Variants in DLG2 observed in about 807,000 individuals in gnomAD.
DLG2 encodes disks large homolog 2.
DLG2 carries 45 observed loss-of-function variants against 132.5 expected under a neutral mutation model. The observed-to-expected ratio is 0.34, with a 90% CI of 0.27 to 0.44. The LOEUF (loss-of-function observed/expected upper bound fraction) is 0.44, where lower values mean the gene tolerates loss of function less well. DLG2 is among the 20% of genes least tolerant of loss of function. DLG2 has a pLI of 1.00. For synonymous variants in DLG2, 424 were observed against 419.6 expected, an observed-to-expected ratio of 1.01 and a Z score of -0.13; for missense variants, 1,045 against 1,196.9, an observed-to-expected ratio of 0.87 and a Z score of 1.87.
intron 2 of DLG2, among the ~76,000 whole-genome samples, chr11:85,610,546 G>C (rs1416763557): frequency 6.6e-6 from 1 of 152,178 alleles, no homozygotes; most frequent in Non-Finnish European, 1.5e-5. Context: ...TTTAGGGATA[G>C]CCCTTACCTG....
chr11:84,288,799 A>C (rs750395432), intron 7 of DLG2, among the ~76,000 whole-genome samples: 3 of 152,174 alleles, frequency 2.0e-5, no homozygotes, highest in Non-Finnish European at 4.4e-5. Context: ...AGGCCTTGCA[A>C]ACTTTGCTTC....
chr11:83,806,240 A>G (rs2045877670), intron 17 of DLG2, among the ~76,000 whole-genome samples: 1 of 152,040 alleles, frequency 6.6e-6, no homozygotes, highest in African/African-American at 2.4e-5. Flanking sequence ...TTACTCTTTT[A>G]TTATTATTTT....
At chr11:85,521,023 T>C (rs1333953740) in intron 3 of DLG2, among the ~76,000 whole-genome samples, 1 of 152,098 alleles carries the variant, frequency 6.6e-6, no homozygotes. Context: ...TGGGATCACA[T>C]CAAGTTAAAA....
chr11:84,977,936 G>T (rs546273104), intron 6 of DLG2, among the ~76,000 whole-genome samples: 5 of 152,268 alleles, frequency 3.3e-5, no homozygotes, highest in African/African-American at 9.6e-5. Context: ...ATAGGTACTG[G>T]AGAATTATGA....
At chr11:84,939,401 A>G (rs1001893587) in intron 6 of DLG2, among the ~76,000 whole-genome samples, 1 of 151,402 alleles carries the variant, frequency 6.6e-6, no homozygotes, top group Non-Finnish European at 1.5e-5. Context: ...TTTGTGTTAT[A>G]AACATTCCAA....
Position 83,874,458 on chromosome 11 carries a change from C to G in DLG2, c.1527G>C (p.Gln509His). Reference sequence around the variant, plus strand: ...CGGCCCGTTGGAGAGTCATTGAAGGCTGACGAGTTGCGGTGCTATGTTGGG... The same window carrying G: ...CGGCCCGTTGGAGAGTCATTGAAGGGTGACGAGTTGCGGTGCTATGTTGGG... ...SHSQHSTATR[Q>H]PSMTLQRAVS... Residue 509 changes from glutamine (Q) to histidine (H), a missense_variant, in exon 16 of 28, where the codon CAG becomes CAC. By Grantham distance (24) the Gln-to-His change is conservative. Coordinates refer to ENST00000376104, the MANE Select transcript of DLG2 (RefSeq NM_001142699.3). The G allele has an allele frequency of 6.2e-7, 1 of 1,602,084 alleles. No individual in the cohort carries two copies. The highest frequency in any genetic ancestry group is 1.1e-5 in the South Asian group (1 of 89,180).
intron 6 of DLG2, among the ~76,000 whole-genome samples, chr11:84,605,093 T>C (rs2099583070): frequency 6.6e-6 from 1 of 151,978 alleles, no homozygotes; most frequent in South Asian, 2.1e-4. Flanking sequence ...CATAAAAATA[T>C]AATTCATCAT....
At chr11:83,836,641 T>C (rs1311026521) in intron 16 of DLG2, among the ~76,000 whole-genome samples, 1 of 152,216 alleles carries the variant, frequency 6.6e-6, no homozygotes, top group East Asian at 1.9e-4. Flanking sequence ...CCTTTTCTTA[T>C]GTAAGAACTT....
rs148675438 is a variant in DLG2, at chr11:84,793,683, T to C, written c.358-258952A>G. ...CTTCCTTGTTTCTCCTTACAGTTTT[T>C]GTCTTGAAGTCTATTTTGTCTGATA... On this transcript the variant is annotated intron_variant, in intron 6 of 27. Transcript: ENST00000376104. Among the ~76,000 whole-genome samples the C allele has an allele frequency of 9.7e-3, 1,485 of 152,342 alleles. 50 individuals are homozygous for C. Among genetic ancestry groups the C allele is most frequent in the Admixed American group, 0.064 (981 of 15,296 alleles).
At chr11:84,324,496 C>A (rs193121655) in intron 7 of DLG2, among the ~76,000 whole-genome samples, 1 of 151,990 alleles carries the variant, frequency 6.6e-6, no homozygotes, top group East Asian at 1.9e-4. Flanking sequence ...TTCAGATTTA[C>A]TCTTCTTTCT....
chr11:84,514,812 G>A (rs368106130), intron 7 of DLG2, among the ~76,000 whole-genome samples: 4 of 151,908 alleles, frequency 2.6e-5, no homozygotes, highest in Non-Finnish European at 4.4e-5. Flanking sequence ...ATAACAAAAA[G>A]AGCTTAACTG....
intron 6 of DLG2, among the ~76,000 whole-genome samples, chr11:85,032,615 T>C: frequency 6.6e-6 from 1 of 152,244 alleles, no homozygotes; most frequent in East Asian, 1.9e-4. Context: ...CATGAAATTC[T>C]AATACTCATT....
intron 20 of DLG2, among the ~76,000 whole-genome samples, chr11:83,535,307 G>A (rs939371762): frequency 6.6e-5 from 10 of 152,096 alleles, no homozygotes; most frequent in African/African-American, 2.4e-4. Flanking sequence ...AGAATACATG[G>A]TTATTTGATC....
intron 7 of DLG2, chr11:84,316,765 A>G (rs140488462): frequency 6.7e-7 from 1 of 1,501,602 alleles, no homozygotes; most frequent in Non-Finnish European, 8.9e-7. Flanking sequence ...TTCTAACCTT[A>G]AACAACTTGC....
intron 6 of DLG2, among the ~76,000 whole-genome samples, chr11:84,654,287 C>A (rs2099685537): frequency 6.6e-6 from 1 of 152,134 alleles, no homozygotes; most frequent in South Asian, 2.1e-4. Flanking sequence ...AATTTCTTCT[C>A]ACTTATTATA....
chr11:83,889,320 A>C, intron 15 of DLG2, among the ~76,000 whole-genome samples: 1 of 152,122 alleles, frequency 6.6e-6, no homozygotes, highest in African/African-American at 2.4e-5. Flanking sequence ...ACTTCTCAAA[A>C]GAAGACATTT....
chr11:84,226,236 A>G (rs1461694516), intron 8 of DLG2, among the ~76,000 whole-genome samples: 1 of 152,160 alleles, frequency 6.6e-6, no homozygotes, highest in Non-Finnish European at 1.5e-5. Context: ...TTGTGCTATG[A>G]TGTTACTAGG....
At chr11:84,333,912 C>T (rs554420786) in intron 7 of DLG2, among the ~76,000 whole-genome samples, 3 of 152,074 alleles carry the variant, frequency 2.0e-5, no homozygotes, top group South Asian at 4.2e-4. Flanking sequence ...TAGTAGGGTT[C>T]GAAGAAATGA....
At chr11:84,887,766 G>A (rs937790926) in intron 6 of DLG2, among the ~76,000 whole-genome samples, 2 of 152,086 alleles carry the variant, frequency 1.3e-5, no homozygotes, top group African/African-American at 4.8e-5. Flanking sequence ...TGGGAGAGGA[G>A]GAAATCAAAT....
Sources: allele counts gnomAD v4.1 joint callset (sites outside exome capture counted in the v4.1 genomes callset), GRCh38; gene constraint gnomAD v4.1.1; transcripts MANE v1.5; gene names NCBI Gene and HGNC (gene_info 2026-07-23, HGNC 2026-07-21).